MIR2052HG: variants seen among roughly 807,000 people sequenced by gnomAD.
The protein encoded by MIR2052HG is MIR2052 host gene.
intron 2 of MIR2052HG, among the ~76,000 whole-genome samples, chr8:74,661,792 T>G (rs550972238): frequency 6.6e-6 from 1 of 152,194 alleles, no homozygotes; most frequent in Admixed American, 6.5e-5. Context: ...CAGAGCTAGG[T>G]ATATTTTTAT....
At chr8:74,602,815 G>GTCTTTCTTTCTTTCCTTCTTTCTTTCTT in intron 1 of MIR2052HG, among the ~76,000 whole-genome samples, 2 of 22,556 alleles carry the variant, frequency 8.9e-5, no homozygotes, top group African/African-American at 4.0e-4. Flanking sequence ...ATGCCCGGCC[G>GTCTTTCTTTCTTTCCTTCTTTCTTTCTT]TGTTTCTTTC....
chr8:74,702,790 A>G (rs1405770741), intron 3 of MIR2052HG, among the ~76,000 whole-genome samples: 1 of 152,108 alleles, frequency 6.6e-6, no homozygotes, highest in African/African-American at 2.4e-5. Context: ...GGATTAAAAC[A>G]TGGCCCATGC....
chr8:74,664,043 G>A (rs1434721205), intron 2 of MIR2052HG, among the ~76,000 whole-genome samples: 1 of 152,102 alleles, frequency 6.6e-6, no homozygotes. Context: ...AATACTGTAT[G>A]TTCTCACTTG....
At chr8:74,612,925 A>G (rs1301479119) in exon 2 of MIR2052HG, 2 of 456,276 alleles carry the variant, frequency 4.4e-6, no homozygotes, top group Non-Finnish European at 8.8e-6. Flanking sequence ...AAAAGGATCC[A>G]GAACTGGAGT....
chr8:74,640,209 A>T (rs748785326), intron 2 of MIR2052HG, among the ~76,000 whole-genome samples: 6 of 152,232 alleles, frequency 3.9e-5, no homozygotes, highest in Non-Finnish European at 7.4e-5. Context: ...TTGTAATCCT[A>T]GCACTTTGGG....
intron 4 of MIR2052HG, among the ~76,000 whole-genome samples, chr8:74,711,468 T>C (rs1809468051): frequency 6.6e-6 from 1 of 152,198 alleles, no homozygotes; most frequent in South Asian, 2.1e-4. Flanking sequence ...CATGTTGAGT[T>C]GAATACTGCC....
intron 4 of MIR2052HG, among the ~76,000 whole-genome samples, chr8:74,742,759 T>C (rs1809843790): frequency 6.6e-6 from 1 of 152,200 alleles, no homozygotes; most frequent in African/African-American, 2.4e-5. Flanking sequence ...TAGGTGTCTT[T>C]GCTGTGGTTC....
intron 1 of MIR2052HG, chr8:74,603,657 G>C: frequency 8.7e-7 from 1 of 1,155,908 alleles, no homozygotes; most frequent in Admixed American, 1.7e-5. Context: ...GTCCTTGAAG[G>C]GTATAGGCCT....
chr8:74,707,008 C>A (rs1417736925), intron 4 of MIR2052HG, among the ~76,000 whole-genome samples: 2 of 152,074 alleles, frequency 1.3e-5, no homozygotes, highest in Non-Finnish European at 1.5e-5. Flanking sequence ...TTCATCACAT[C>A]CCACTATTGC....
intron 1 of MIR2052HG, among the ~76,000 whole-genome samples, chr8:74,602,823 T>TTCTG (rs1230132633): frequency 1.6e-5 from 2 of 124,446 alleles, no homozygotes; most frequent in Non-Finnish European, 3.3e-5. Flanking sequence ...CCGTGTTTCT[T>TTCTG]TCTTTCTTTC....
intron 2 of MIR2052HG, among the ~76,000 whole-genome samples, chr8:74,678,285 G>A (rs969561815): frequency 1.3e-5 from 2 of 152,090 alleles, no homozygotes; most frequent in African/African-American, 2.4e-5. Flanking sequence ...CAGGCTGGAC[G>A]TGGTGGCTCA....
chr8:74,735,806 G>A (rs1359542392), intron 4 of MIR2052HG, among the ~76,000 whole-genome samples: 1 of 152,106 alleles, frequency 6.6e-6, no homozygotes. Context: ...AATTGTGCTT[G>A]TGAAATCAAA....
Position 74,687,718 on chromosome 8 carries a change from T to C in MIR2052HG, n.217-14661T>C, listed in dbSNP as rs1335211155. ...GGACTTGTTCAATGGATGTAAAGCT[T>C]TACTTGCGCTAGATAAAGAAGTTAT... is the stretch of plus-strand genomic sequence containing the variant. On this transcript the variant is annotated intron_variant and non_coding_transcript_variant, in intron 2 of 6. Transcript: ENST00000523442. Among the ~76,000 whole-genome samples the C allele has an allele frequency of 2.6e-5, 4 of 152,080 alleles. No individual in the cohort carries two copies. The East Asian group carries it at 7.7e-4, about 29-fold the overall frequency.
At chr8:74,752,473 A>T in exon 5 of MIR2052HG, 1 of 456,102 alleles carries the variant, frequency 2.2e-6, no homozygotes, top group Non-Finnish European at 4.4e-6. Flanking sequence ...AGATCAACAC[A>T]TTCTCCAAAC....
intron 2 of MIR2052HG, among the ~76,000 whole-genome samples, chr8:74,629,067 G>T (rs1224043723): frequency 6.6e-6 from 1 of 152,066 alleles, no homozygotes; most frequent in Admixed American, 6.5e-5. Context: ...TCTTATGTCA[G>T]CCAGTGTGTT....
At chr8:74,754,573 G>A (rs919670970) in intron 5 of MIR2052HG, among the ~76,000 whole-genome samples, 6 of 152,202 alleles carry the variant, frequency 3.9e-5, no homozygotes, top group African/African-American at 1.4e-4. Flanking sequence ...AGTTTAGGTG[G>A]AGAAGAAATG....
chr8:74,601,568 A>G (rs1223572219), intron 1 of MIR2052HG, among the ~76,000 whole-genome samples: 1 of 152,198 alleles, frequency 6.6e-6, no homozygotes, highest in African/African-American at 2.4e-5. Context: ...ATATTGATCA[A>G]ACTTTATATT....
chr8:74,723,219 CTCTAAT>C (rs1273202552), intron 4 of MIR2052HG, among the ~76,000 whole-genome samples: 2 of 152,232 alleles, frequency 1.3e-5, no homozygotes, highest in Non-Finnish European at 2.9e-5. Flanking sequence ...GTCATCTCCT[CTCTAAT>C]TCTATCAGCA....
chr8:74,666,806 C>T (rs1330791510), intron 2 of MIR2052HG, among the ~76,000 whole-genome samples: 1 of 152,176 alleles, frequency 6.6e-6, no homozygotes, highest in Non-Finnish European at 1.5e-5. Flanking sequence ...TATAATGAAA[C>T]TATAAAACCT....
Sources: gnomAD v4.1 joint callset for allele counts (sites outside exome capture counted in the v4.1 genomes callset) on GRCh38, gnomAD v4.1.1 for gene constraint, MANE v1.5 for transcripts, NCBI Gene and HGNC (gene_info 2026-07-23, HGNC 2026-07-21) for gene names.